MBOAT1: variants seen among roughly 807,000 people sequenced by gnomAD.
The protein encoded by MBOAT1 is membrane bound glycerophospholipid O-acyltransferase 1, also known as membrane-bound glycerophospholipid O-acyltransferase 1.
In MBOAT1, 67 loss-of-function variants were observed where a neutral mutation model predicts 64.4. The ratio of observed to expected loss-of-function variants is 1.04; its 90% CI spans 0.85 to 1.27. The LOEUF is 1.27. Ranked by LOEUF, MBOAT1 falls within the 50% of genes most tolerant of loss-of-function variation. The probability of loss-of-function intolerance (pLI) is 0.00; values close to 1 mark genes in which losing one functional copy is unlikely to be tolerated. For missense variants in MBOAT1, 563 were observed against 604.6 expected, an observed-to-expected ratio of 0.93 and a Z score of 0.72; for synonymous variants, 229 against 218.9, an observed-to-expected ratio of 1.05 and a Z score of -0.41.
Position 20,102,299 on chromosome 6 carries a change from C to T in MBOAT1, c.1475G>A (p.Arg492Lys), listed in dbSNP as rs1415536659. ...CTCTTGGAGGTATCAATCTGTTTTT[C>T]TCTTATTAATAGAGTTCAGAGTCTG... Reference protein sequence around the residue: ...RPQTLNSINKRKTD With the variant: ...RPQTLNSINKKKTD The change falls in exon 13 of 13, where the codon AGA (arginine) becomes AAA (lysine). Residue 492 changes from arginine (R) to lysine (K), a missense_variant. Coordinates refer to ENST00000324607, the MANE Select transcript of MBOAT1 (RefSeq NM_001080480.3). 2.5e-6 allele frequency: 4 copies of T among 1,612,688 alleles called. No individual in the cohort carries two copies. The South Asian group carries it at 3.3e-5, about 13-fold the overall frequency.
intron 1 of MBOAT1, among the ~76,000 whole-genome samples, chr6:20,162,755 C>G (rs1157281070): frequency 6.6e-6 from 1 of 152,208 alleles, no homozygotes; most frequent in Non-Finnish European, 1.5e-5. Flanking sequence ...AGTGGCCTCT[C>G]AAGATCTCAT....
In MBOAT1 at chr6:20,185,387, T is replaced by C. The variant is rs894592777; in HGVS notation, c.99+26749A>G. ...GAGGTATTTTCAGATTAAATTAATA[T>C]TTAAATCAGTAGAATTTCAGTAAGG... On this transcript the variant is annotated intron_variant, in intron 1 of 12. Coordinates refer to ENST00000324607, the MANE Select transcript of MBOAT1 (RefSeq NM_001080480.3). 2.6e-5 allele frequency among the ~76,000 whole-genome samples: 4 copies of C among 152,200 alleles called. No homozygotes were observed. The East Asian group carries it at 7.7e-4, about 29-fold the overall frequency.
intron 12 of MBOAT1, among the ~76,000 whole-genome samples, chr6:20,104,624 G>A (rs1393306828): frequency 1.3e-5 from 2 of 152,170 alleles, no homozygotes; most frequent in African/African-American, 2.4e-5. Context: ...TTTCCCTAAT[G>A]CTTTTTGAAG....
chr6:20,102,510 C>A, intron 12 of MBOAT1, 98 bp from the exon 13 acceptor site: 1 of 1,033,116 alleles, frequency 9.7e-7, no homozygotes, highest in South Asian at 1.7e-5. Flanking sequence ...GTGAGAGCAC[C>A]GCTTTTGGCA....
At chr6:20,145,168 G>C (rs894738017) in intron 3 of MBOAT1, among the ~76,000 whole-genome samples, 1 of 152,082 alleles carries the variant, frequency 6.6e-6, no homozygotes, top group East Asian at 1.9e-4. Context: ...AGGTGACTAG[G>C]TTATGAGAGC....
intron 1 of MBOAT1, among the ~76,000 whole-genome samples, chr6:20,202,539 G>A (rs10447379): frequency 0.53 from 80,367 of 151,452 alleles, 23,762 homozygotes; most frequent in Non-Finnish European, 0.66. Flanking sequence ...TTAACCACTG[G>A]TAACTTTAAA....
At chr6:20,141,866 G>A (rs959769660) in intron 4 of MBOAT1, among the ~76,000 whole-genome samples, 5 of 152,088 alleles carry the variant, frequency 3.3e-5, no homozygotes, top group African/African-American at 1.2e-4. Flanking sequence ...AGGACCTGGT[G>A]ACACAAGGAT....
At position 20,128,745 on chromosome 6, in the gene MBOAT1, G is replaced by C. The variant is rs759860265; in HGVS notation, c.484C>G (p.Arg162Gly). Residue 162 changes from arginine (R) to glycine (G), a missense_variant, in exon 6 of 13, where the codon CGA becomes GGA. Arg to Gly is a moderately radical substitution (Grantham distance 125). Transcript: ENST00000324607. Reference sequence around the variant, plus strand: ...TCAGCAGAAAGGTCTTCAGCTCTTCGACCTAATCCTATGAAAAAGAAAAGA... The same window carrying C: ...TCAGCAGAAAGGTCTTCAGCTCTTCCACCTAATCCTATGAAAAAGAAAAGA... ...LAFQVHDGLG[R>G]RAEDLSAEQH... 3 of 1,601,836 alleles carry C rather than the reference G, an allele frequency of 1.9e-6. No homozygotes were observed. The highest frequency in any genetic ancestry group is 2.6e-6 in the Non-Finnish European group (3 of 1,175,548).
At chr6:20,160,162 T>G (rs1450946303) in intron 1 of MBOAT1, among the ~76,000 whole-genome samples, 3 of 152,224 alleles carry the variant, frequency 2.0e-5, no homozygotes. Flanking sequence ...ACAATCAAAC[T>G]GTGCTACAAT....
intron 1 of MBOAT1, among the ~76,000 whole-genome samples, chr6:20,194,658 T>C (rs905254382): frequency 1.3e-5 from 2 of 152,206 alleles, no homozygotes; most frequent in South Asian, 2.1e-4. Context: ...AGGTAGTGTC[T>C]AACAGGTTTC....
At chr6:20,167,047 G>A (rs961682903) in intron 1 of MBOAT1, among the ~76,000 whole-genome samples, 5 of 152,174 alleles carry the variant, frequency 3.3e-5, no homozygotes, top group Admixed American at 6.5e-5. Flanking sequence ...TGAAGATAAT[G>A]ATTTGATCTC....
At chr6:20,165,477 TCA>T (rs1481853482) in intron 1 of MBOAT1, among the ~76,000 whole-genome samples, 2 of 152,166 alleles carry the variant, frequency 1.3e-5, no homozygotes, top group East Asian at 3.8e-4. Flanking sequence ...GTGCAATGGC[TCA>T]CACCTGTAAT....
chr6:20,188,117 T>C (rs1285483655), intron 1 of MBOAT1, among the ~76,000 whole-genome samples: 4 of 152,126 alleles, frequency 2.6e-5, no homozygotes, highest in African/African-American at 9.7e-5. Flanking sequence ...ACGAGAAGGA[T>C]TAGAGGGTAT....
intron 8 of MBOAT1, 52 bp downstream of exon 8, chr6:20,124,356 C>A: frequency 6.4e-7 from 1 of 1,561,908 alleles, no homozygotes; most frequent in South Asian, 1.2e-5. Context: ...CTAAGCCATT[C>A]AAGCAGTAGC....
chr6:20,167,424 A>G (rs985921648), intron 1 of MBOAT1, among the ~76,000 whole-genome samples: 91 of 152,322 alleles, frequency 6.0e-4, no homozygotes, highest in African/African-American at 2.1e-3. Flanking sequence ...GGGGGCTGTT[A>G]ATCTGTTAAA....
intron 1 of MBOAT1, among the ~76,000 whole-genome samples, chr6:20,181,768 C>T (rs969794590): frequency 6.6e-6 from 1 of 152,218 alleles, no homozygotes; most frequent in South Asian, 2.1e-4. Context: ...AGGGATCGTT[C>T]TAAGTGGAGA....
intron 1 of MBOAT1, among the ~76,000 whole-genome samples, chr6:20,186,861 C>G (rs933364151): frequency 9.2e-5 from 14 of 152,342 alleles, no homozygotes; most frequent in African/African-American, 3.4e-4. Flanking sequence ...GTTCTACACT[C>G]TGACATGGAG....
intron 8 of MBOAT1, among the ~76,000 whole-genome samples, chr6:20,120,444 G>T (rs914047086): frequency 6.6e-6 from 1 of 151,942 alleles, no homozygotes; most frequent in Non-Finnish European, 1.5e-5. Flanking sequence ...CGAAACGTGC[G>T]GATCACCTGA....
Position 20,172,936 on chromosome 6 carries a change from C to T in MBOAT1, c.100-20167G>A, listed in dbSNP as rs111692096. 9.9e-3 allele frequency among the ~76,000 whole-genome samples: 1,511 copies of T among 151,862 alleles called. 29 individuals carry two copies. Among genetic ancestry groups the T allele is most frequent in the African/African-American group, 0.035 (1,450 of 41,224 alleles). On this transcript the variant is annotated intron_variant, in intron 1 of 12. Coordinates refer to ENST00000324607, the MANE Select transcript of MBOAT1 (RefSeq NM_001080480.3). ...TGGTGGGAGGTGGCTGGAATATGGC[C>T]GTGGATTTCTCATGAATGGTTTACT...
Sources: allele counts gnomAD v4.1 joint callset (sites outside exome capture counted in the v4.1 genomes callset), GRCh38; gene constraint gnomAD v4.1.1; transcripts MANE v1.5; gene names NCBI Gene and HGNC (gene_info 2026-07-23, HGNC 2026-07-21).